The following TMEM121B variants were observed in gnomAD, a reference collection of about 807,000 sequenced individuals.
TMEM121B encodes transmembrane protein 121B, also known as cat eye syndrome chromosome region, candidate 6.
Under a neutral mutation model 25.1 loss-of-function variants are expected in TMEM121B, and 14 were observed. That is an observed-to-expected ratio of 0.56 (90% CI 0.37 to 0.87). TMEM121B has a LOEUF of 0.87. Ranked by LOEUF, TMEM121B falls within the 40% of genes least tolerant of loss-of-function variation. The pLI is 0.00. For synonymous variants in TMEM121B, 458 were observed against 420.9 expected, an observed-to-expected ratio of 1.09 and a Z score of -1.08; for missense variants, 850 against 854.6, an observed-to-expected ratio of 0.99 and a Z score of 0.07.
In TMEM121B at chr22:17,119,209, G is replaced by A. The variant is rs1212706227; in HGVS notation, c.*182C>T. The A allele has an allele frequency of 7.3e-6, 6 of 820,014 alleles. No homozygotes were observed. Among genetic ancestry groups the A allele is most frequent in the East Asian group, 2.9e-5 (1 of 34,594 alleles). 50.8% of individuals were successfully genotyped at this position (820,014 alleles called of 1,614,324 possible). A position where few individuals can be genotyped will look rare whatever the true frequency, so the allele number is the denominator to read the frequency against. On this transcript the variant is annotated 3_prime_UTR_variant, in exon 1 of 1. Transcript: ENST00000331437. ...GGTAAGTGCACCTACCTCCCTCACC[G>A]TTAACTGCTGGTCTCCCTCCAAGCC...
In TMEM121B at chr22:17,120,215, C is replaced by T. The variant is rs773654394; in HGVS notation, c.913G>A (p.Ala305Thr). 32 of 1,476,120 alleles carry T rather than the reference C, an allele frequency of 2.2e-5. No individual in the cohort carries two copies. In the South Asian group the frequency reaches 4.6e-4, roughly 21 times the overall value. 91.4% of individuals were successfully genotyped at this position (1,476,120 alleles called of 1,614,324 possible). ...AGGAGGGLGAAAAAGEFAFAY... is the reference protein window; with the variant it reads ...AGGAGGGLGATAAAGEFAFAY... ...AAGGCGAACTCGCCCGCTGCCGCGG[C>T]CGCCCCCAGGCCGCCCCCCGCGCCG... Residue 305 changes from alanine (A) to threonine (T), a missense_variant, in exon 1 of 1, where the codon GCC (alanine) becomes ACC (threonine). Ala to Thr is a moderately conservative substitution (Grantham distance 58). Transcript: ENST00000331437.
rs1383742263 is a variant in TMEM121B, at chr22:17,119,494, G to A, written c.1634C>T (p.Pro545Leu). ...GAPPSAPPPP[P>L]PPPQGGSQLG... is the part of the protein sequence containing the mutation. ...CTGGGAGCCTCCCTGAGGTGGTGGCGGAGGTGGTGGAGGGGCGGAGGGCGG... is the reference window on the plus strand; with the variant it reads ...CTGGGAGCCTCCCTGAGGTGGTGGCAGAGGTGGTGGAGGGGCGGAGGGCGG... The change falls in exon 1 of 1, where the codon CCG becomes CTG. Residue 545 changes from proline (P) to leucine (L), a missense_variant. Transcript: ENST00000331437. 12 of 1,593,610 alleles carry A rather than the reference G, an allele frequency of 7.5e-6. No homozygotes were observed. The highest frequency in any genetic ancestry group is 2.3e-5 in the South Asian group (2 of 88,070).
rs1296318012 is a variant in TMEM121B at position 17,120,204 on chromosome 22, C to T, written c.924G>A (p.Ala308=). The change falls in exon 1 of 1, where the codon GCG becomes GCA. Residue 308 remains alanine (A), a synonymous_variant. Coordinates refer to ENST00000331437, the MANE Select transcript of TMEM121B (RefSeq NM_031890.4). ...AGGGLGAAAA[A]GEFAFAYLAW... ...CCAGGTAGGCGAAGGCGAACTCGCC[C>T]GCTGCCGCGGCCGCCCCCAGGCCGC... The T allele has an allele frequency of 6.7e-7, 1 of 1,491,182 alleles. No individual in the cohort carries two copies. Among genetic ancestry groups the T allele is most frequent in the African/African-American group, 1.4e-5 (1 of 69,954 alleles). The allele number at this position is 1,491,182 out of a possible 1,614,324, so 92.4% of individuals were successfully genotyped here.
In TMEM121B at chr22:17,119,676, C is replaced by T. The variant is rs755425657; in HGVS notation, c.1452G>A (p.Leu484=). 1 of 1,542,666 alleles carries T rather than the reference C, an allele frequency of 6.5e-7. No individual in the cohort carries two copies. The highest frequency in any genetic ancestry group is 1.2e-5 in the South Asian group (1 of 84,736). Residue 484 remains leucine (L), a synonymous_variant, in exon 1 of 1, where the codon CTG becomes CTA. Transcript: ENST00000331437. ...GGTAGCTGACCACCAGGAGGCAGCG[C>T]AGCGCCAGCAAGGGCACGTCCACCA... is the stretch of plus-strand genomic sequence containing the variant. ...GCLVDVPLLA[L]RCLLVVSYQQ...
rs1244102190 is a variant in TMEM121B, at chr22:17,119,967, G to A, written c.1161C>T (p.Pro387=). 1 of 1,585,210 alleles carries A rather than the reference G, an allele frequency of 6.3e-7. No homozygotes were observed. The highest frequency in any genetic ancestry group is 2.3e-5 in the East Asian group (1 of 44,038). Residue 387 remains proline (P), a synonymous_variant, in exon 1 of 1, where the codon CCC becomes CCT. Coordinates refer to ENST00000331437, the MANE Select transcript of TMEM121B (RefSeq NM_031890.4). ...AGCATCCGGCCGCGCGGTGCCGCTG[G>A]GGCTGCAGCAGCAGGGGTCCTGCCG... is the stretch of plus-strand genomic sequence containing the variant. The part of the protein sequence containing the change: ...PGSAGPLLLQ[P]QRHRAAGCFL...
rs919570866 is a variant in TMEM121B, at chr22:17,120,106, A to G, written c.1022T>C (p.Ile341Thr). 6.2e-7 allele frequency: 1 copy of G among 1,611,700 alleles called. No individual in the cohort carries two copies. The highest frequency in any genetic ancestry group is 1.3e-5 in the African/African-American group (1 of 74,894). ...GGTGCCGAAGGGCGCGCGTAGCTCG[A>G]TGAGGTCTAGGATGGACGTGCCCAG... ...LILGTSILDL[I>T]ELRAPFGTTG... is the part of the protein sequence containing the mutation. The change falls in exon 1 of 1, where the codon ATC (isoleucine) becomes ACC (threonine). Residue 341 changes from isoleucine (I) to threonine (T), a missense_variant. Ile to Thr is a moderately conservative substitution (Grantham distance 89). Transcript: ENST00000331437.
rs1601360452 is a variant in TMEM121B, at chr22:17,120,467, C to T, written c.661G>A (p.Ala221Thr). ...QGGLLDLYLI[A>T]VTDLYWCSWI... The stretch of plus-strand genomic sequence containing the variant: ...GAGCACCAGTACAGGTCGGTGACGG[C>T]GATGAGGTACAGGTCCAGCAGGCCG... Residue 221 changes from alanine (A) to threonine (T), a missense_variant, in exon 1 of 1, where the codon GCC becomes ACC. Coordinates refer to ENST00000331437, the MANE Select transcript of TMEM121B (RefSeq NM_031890.4). 1.3e-6 allele frequency: 2 copies of T among 1,585,850 alleles called. No individual in the cohort carries two copies. The highest frequency in any genetic ancestry group is 2.3e-5 in the East Asian group (1 of 43,266).
In TMEM121B at chr22:17,120,570, C is replaced by A; in HGVS notation, c.558G>T (p.Arg186=). 6.8e-7 allele frequency: 1 copy of A among 1,476,992 alleles called. No individual in the cohort carries two copies. The highest frequency in any genetic ancestry group is 9.0e-7 in the Non-Finnish European group (1 of 1,116,994). The allele number at this position is 1,476,992 out of a possible 1,614,324, so 91.5% of individuals were successfully genotyped here. ...GCPDRPGRRG[R]RRGCAPSPRC... ...TGGGACTGGGGGCGCAGCCGCGGCG[C>A]CGACCTCTGCGGCCGGGGCGGTCTG... Residue 186 remains arginine, a synonymous_variant, in exon 1 of 1, where the codon CGG becomes CGT. Transcript: ENST00000331437.
Position 17,121,067 on chromosome 22 carries a change from G to T in TMEM121B, c.61C>A (p.Pro21Thr). 3.4e-6 allele frequency: 5 copies of T among 1,453,670 alleles called. No homozygotes were observed. The highest frequency in any genetic ancestry group is 4.5e-6 in the Non-Finnish European group (5 of 1,104,536). The allele number at this position is 1,453,670 out of a possible 1,614,324, so 90.0% of individuals were successfully genotyped here. ...VSSASGSFPP[P>T]PAAARLQPLF... ...GGCTGCAGCCGGGCGGCTGCCGGGG[G>T]CGGCGGGAAGGAACCGGACGCGGAG... The change falls in exon 1 of 1, where the codon CCC becomes ACC. Residue 21 changes from proline (P) to threonine (T), a missense_variant. Transcript: ENST00000331437.
In TMEM121B at chr22:17,119,054, G is replaced by T; in HGVS notation, c.*337C>A. On this transcript the variant is annotated 3_prime_UTR_variant, in exon 1 of 1. Coordinates refer to ENST00000331437, the MANE Select transcript of TMEM121B (RefSeq NM_031890.4). ...GAGGCTGGCACTTCTAAGCAAGGGA[G>T]AAGGTCCAAGGCCCAGCACCCCTCT... 2 of 263,112 alleles carry T rather than the reference G, an allele frequency of 7.6e-6. No individual in the cohort carries two copies. Among genetic ancestry groups the T allele is most frequent in the Non-Finnish European group, 1.4e-5 (2 of 138,414 alleles). The allele number at this position is 263,112 out of a possible 1,614,324, so 16.3% of individuals were successfully genotyped here.
chr22:17,120,746 A>T lies in TMEM121B; in HGVS notation c.382T>A (p.Ser128Thr). 6 of 1,052,914 alleles carry T rather than the reference A, an allele frequency of 5.7e-6. No individual in the cohort carries two copies. The highest frequency in any genetic ancestry group is 4.3e-4 in the Middle Eastern group (1 of 2,342). 65.2% of individuals were successfully genotyped at this position (1,052,914 alleles called of 1,614,324 possible). ...TCCGCGGCTGTCATGCTGCAGGAGG[A>T]GGTGGGCGTGGAGGTGGAGGAGGAG... is the stretch of plus-strand genomic sequence containing the variant. ...ATSSSTSTPT[S>T]SCSMTAADFG... The change falls in exon 1 of 1, where the codon TCC becomes ACC. Residue 128 changes from serine to threonine, a missense_variant. Physicochemically the swap from Ser to Thr is moderately conservative, Grantham distance 58. Coordinates refer to ENST00000331437, the MANE Select transcript of TMEM121B (RefSeq NM_031890.4).
rs1276453015 is a variant in TMEM121B at position 17,120,279 on chromosome 22, G to C, written c.849C>G (p.Thr283=). 8.5e-6 allele frequency: 11 copies of C among 1,298,756 alleles called. No homozygotes were observed. Among genetic ancestry groups the C allele is most frequent in the Non-Finnish European group, 1.1e-5 (11 of 1,027,284 alleles). 80.5% of individuals were successfully genotyped at this position (1,298,756 alleles called of 1,614,324 possible). A position where few individuals can be genotyped will look rare whatever the true frequency, so the allele number is the denominator to read the frequency against. The part of the protein sequence containing the change: ...PLHLPAPSAA[T]AGAKARGARG... ...GGGCTCCGCGTGCCTTGGCCCCAGC[G>C]GTAGCGGCCGAGGGGGCGGGCAGAT... The change falls in exon 1 of 1, where the codon ACC becomes ACG. Residue 283 remains threonine (T), a synonymous_variant. Coordinates refer to ENST00000331437, the MANE Select transcript of TMEM121B (RefSeq NM_031890.4).
Position 17,120,404 on chromosome 22 carries a change from C to T in TMEM121B, c.724G>A (p.Ala242Thr), listed in dbSNP as rs1358091070. Residue 242 changes from alanine (A) to threonine (T), a missense_variant, in exon 1 of 1, where the codon GCC becomes ACC. Physicochemically the swap from Ala to Thr is moderately conservative, Grantham distance 58. Coordinates refer to ENST00000331437, the MANE Select transcript of TMEM121B (RefSeq NM_031890.4). Reference protein sequence around the residue: ...ATDLVVVVGWAIFFAKNSRGR... With the variant: ...ATDLVVVVGWTIFFAKNSRGR... ...CGGCTGTTCTTGGCGAAGAAGATGGCCCAGCCCACCACCACCACCAGGTCA... is the reference window on the plus strand; with the variant it reads ...CGGCTGTTCTTGGCGAAGAAGATGGTCCAGCCCACCACCACCACCAGGTCA... 1 of 1,566,172 alleles carries T rather than the reference C, an allele frequency of 6.4e-7. No homozygotes were observed. The highest frequency in any genetic ancestry group is 1.7e-4 in the Middle Eastern group (1 of 5,960).
chr22:17,119,600 G>T lies in TMEM121B; in HGVS notation c.1528C>A (p.Arg510=). Residue 510 remains arginine, a synonymous_variant, in exon 1 of 1, where the codon CGG becomes AGG. Transcript: ENST00000331437. ...CAGCCCTCCAGGGCCTCCAGGCCCCGGCAGCCGAGGAAGAAGAGGTTCTTG... is the reference window on the plus strand; with the variant it reads ...CAGCCCTCCAGGGCCTCCAGGCCCCTGCAGCCGAGGAAGAAGAGGTTCTTG... ...MLKNLFFLGC[R]GLEALEGCWD... 1 of 1,544,680 alleles carries T rather than the reference G, an allele frequency of 6.5e-7. No homozygotes were observed. The highest frequency in any genetic ancestry group is 8.7e-7 in the Non-Finnish European group (1 of 1,148,512).
rs768832803 is a variant in TMEM121B at position 17,120,566 on chromosome 22, G to A, written c.562C>T (p.Arg188Cys). Residue 188 changes from arginine to cysteine, a missense_variant, in exon 1 of 1, where the codon CGC becomes TGC. Physicochemically the swap from Arg to Cys is radical, Grantham distance 180 (BLOSUM62 -3). Coordinates refer to ENST00000331437, the MANE Select transcript of TMEM121B (RefSeq NM_031890.4). ...PDRPGRRGRR[R>C]GCAPSPRCRW... ...CACCTGGGACTGGGGGCGCAGCCGC[G>A]GCGCCGACCTCTGCGGCCGGGGCGG... The A allele has an allele frequency of 4.0e-6, 6 of 1,481,804 alleles. No homozygotes were observed. The highest frequency in any genetic ancestry group is 2.8e-5 in the East Asian group (1 of 35,386). The allele number at this position is 1,481,804 out of a possible 1,614,324, so 91.8% of individuals were successfully genotyped here. A position where few individuals can be genotyped will look rare whatever the true frequency, so the allele number is the denominator to read the frequency against.
Position 17,121,206 on chromosome 22 carries a change from G to T in TMEM121B, c.-79C>A. On this transcript the variant is annotated 5_prime_UTR_variant, in exon 1 of 1. Coordinates refer to ENST00000331437, the MANE Select transcript of TMEM121B (RefSeq NM_031890.4). ...GGCGGGCGAGGCGGGCTAGGCGGCC[G>T]AGGGGAGCCGGGGCCCGCCGCCTCC... The T allele has an allele frequency of 2.4e-6, 3 of 1,232,208 alleles. No individual in the cohort carries two copies. The highest frequency in any genetic ancestry group is 1.6e-5 in the African/African-American group (1 of 63,508). 76.3% of individuals were successfully genotyped at this position (1,232,208 alleles called of 1,614,324 possible).
chr22:17,119,795 C>G lies in TMEM121B; in HGVS notation c.1333G>C (p.Glu445Gln), dbSNP rs1299441096. ...TLASPVLWLY[E>Q]LNAAAAAAAS... The stretch of plus-strand genomic sequence containing the variant: ...GCCGCTGCGGCCGCGGCGTTGAGCT[C>G]GTAGAGCCAGAGCACCGGCGAGGCG... The change falls in exon 1 of 1, where the codon GAG becomes CAG. Residue 445 changes from glutamate (E) to glutamine (Q), a missense_variant. Glu to Gln is a conservative substitution (Grantham distance 29). Transcript: ENST00000331437. 1 of 1,584,724 alleles carries G rather than the reference C, an allele frequency of 6.3e-7. No homozygotes were observed. Among genetic ancestry groups the G allele is most frequent in the Admixed American group, 1.7e-5 (1 of 57,848 alleles).
rs1356541140 is a variant in TMEM121B, at chr22:17,121,218, G to A, written c.-91C>T. 1.4e-5 allele frequency: 17 copies of A among 1,182,142 alleles called. No homozygotes were observed. Among genetic ancestry groups the A allele is most frequent in the South Asian group, 3.2e-5 (1 of 31,628 alleles). The allele number at this position is 1,182,142 out of a possible 1,614,324, so 73.2% of individuals were successfully genotyped here. ...GGGCTAGGCGGCCGAGGGGAGCCGG[G>A]GCCCGCCGCCTCCCCAGCAGTGGGG... On this transcript the variant is annotated 5_prime_UTR_variant, in exon 1 of 1. Coordinates refer to ENST00000331437, the MANE Select transcript of TMEM121B (RefSeq NM_031890.4).
In TMEM121B at chr22:17,120,242, C is replaced by A; in HGVS notation, c.886G>T (p.Gly296Cys). The A allele has an allele frequency of 8.0e-7, 1 of 1,247,874 alleles. No homozygotes were observed. The highest frequency in any genetic ancestry group is 3.3e-5 in the East Asian group (1 of 30,364). The allele number at this position is 1,247,874 out of a possible 1,614,324, so 77.3% of individuals were successfully genotyped here. A position where few individuals can be genotyped will look rare whatever the true frequency, so the allele number is the denominator to read the frequency against. Residue 296 changes from glycine to cysteine, a missense_variant, in exon 1 of 1, where the codon GGC becomes TGC. Gly to Cys is a radical substitution (Grantham distance 159, BLOSUM62 -3). Coordinates refer to ENST00000331437, the MANE Select transcript of TMEM121B (RefSeq NM_031890.4). ...AKARGARGGA[G>C]GAGGGLGAAA... ...GCCCCCAGGCCGCCCCCCGCGCCGCCGGCGCCCCCGCGGGCTCCGCGTGCC... is the reference window on the plus strand; with the variant it reads ...GCCCCCAGGCCGCCCCCCGCGCCGCAGGCGCCCCCGCGGGCTCCGCGTGCC...
Sources: gnomAD v4.1 joint callset for allele counts on GRCh38, gnomAD v4.1.1 for gene constraint, MANE v1.5 for transcripts, NCBI Gene and HGNC (gene_info 2026-07-23, HGNC 2026-07-21) for gene names.